Variants in DDC observed in about 807,000 individuals in gnomAD.
DDC encodes dopa decarboxylase, also known as aromatic-L-amino-acid decarboxylase.
Under a neutral mutation model 60.0 loss-of-function variants are expected in DDC, and 43 were observed. The ratio of observed to expected loss-of-function variants is 0.72; its 90% CI spans 0.56 to 0.92. DDC has a LOEUF of 0.92. Among genes scored for constraint, DDC ranks in the 40% least tolerant of loss-of-function variants. DDC has a pLI of 0.00. For missense variants in DDC, 573 were observed against 620.2 expected (o/e 0.92, Z 0.81); for synonymous variants, 232 against 234.6 (o/e 0.99, Z 0.10).
intron 1 of DDC, among the ~76,000 whole-genome samples, chr7:50,556,894 G>A (rs1033236649): frequency 6.6e-6 from 1 of 152,198 alleles, no homozygotes; most frequent in Non-Finnish European, 1.5e-5. Context: ...TGCATTCAGA[G>A]AAAACAGCTT....
At position 50,528,201 on chromosome 7, in the gene DDC, A is replaced by G. The variant is rs1239939277; in HGVS notation, c.650T>C (p.Met217Thr). 3 of 1,614,014 alleles carry G rather than the reference A, an allele frequency of 1.9e-6. No homozygotes were observed. The highest frequency in any genetic ancestry group is 1.7e-4 in the Middle Eastern group (1 of 6,002). ...KAIPSDGNFA[M>T]RASALQEALE... ...GGCTTCCTGCAGGGCAGACGCACGCATGGCGAAGTTGCCATCTGAGGGGAT... is the reference window on the plus strand; with the variant it reads ...GGCTTCCTGCAGGGCAGACGCACGCGTGGCGAAGTTGCCATCTGAGGGGAT... The change falls in exon 6 of 15, where the codon ATG becomes ACG. Residue 217 changes from methionine to threonine, a missense_variant. By Grantham distance (81) the Met-to-Thr change is moderately conservative. Coordinates refer to ENST00000444124, the MANE Select transcript of DDC (RefSeq NM_001082971.2).
At chr7:50,547,168 T>C (rs375328403) in intron 1 of DDC, among the ~76,000 whole-genome samples, 2 of 152,228 alleles carry the variant, frequency 1.3e-5, no homozygotes, top group South Asian at 4.1e-4. Flanking sequence ...TTTACTAATT[T>C]CTAAGTACAT....
intron 10 of DDC, among the ~76,000 whole-genome samples, chr7:50,478,026 AC>A (rs1451924433): frequency 1.1e-4 from 16 of 142,188 alleles, no homozygotes; most frequent in Non-Finnish European, 6.1e-5. Flanking sequence ...ACATGGTGAA[AC>A]CCCGTCTCTA....
intron 11 of DDC, among the ~76,000 whole-genome samples, chr7:50,470,855 C>T (rs779179745): frequency 1.2e-4 from 19 of 152,192 alleles, no homozygotes; most frequent in African/African-American, 2.2e-4. Context: ...AGGACTGGGA[C>T]GAGGAGACTG....
In DDC at chr7:50,555,670, A is replaced by G. The variant is rs1304893344; in HGVS notation, c.-29+9615T>C. ...ATAGTTAACATTGATATGAACTTAC[A>G]TGTGCCAAGAACCACGTTAAGCTCT... On this transcript the variant is annotated intron_variant, in intron 1 of 14. Transcript: ENST00000444124. Among the ~76,000 whole-genome samples the G allele has an allele frequency of 3.3e-5, 5 of 152,198 alleles. No homozygotes were observed. In the East Asian group the frequency reaches 9.6e-4, roughly 29 times the overall value.
At chr7:50,552,713 G>A (rs1419147055) in intron 1 of DDC, among the ~76,000 whole-genome samples, 1 of 152,226 alleles carries the variant, frequency 6.6e-6, no homozygotes, top group East Asian at 1.9e-4. Flanking sequence ...GGACAACAGA[G>A]AGCACTGTAG....
chr7:50,504,722 CGT>C (rs1197952276), intron 6 of DDC, among the ~76,000 whole-genome samples: 4 of 151,606 alleles, frequency 2.6e-5, no homozygotes, highest in African/African-American at 7.3e-5. Flanking sequence ...TGTGTGTGCA[CGT>C]GTGTGTGTGC....
At chr7:50,475,610 C>T (rs1350581462) in intron 11 of DDC, among the ~76,000 whole-genome samples, 1 of 152,164 alleles carries the variant, frequency 6.6e-6, no homozygotes. Context: ...TTGCTCCAAA[C>T]GCACTTAGAC....
chr7:50,515,676 C>T (rs1047317150), intron 6 of DDC, among the ~76,000 whole-genome samples: 4 of 152,182 alleles, frequency 2.6e-5, no homozygotes, highest in Non-Finnish European at 5.9e-5. Context: ...CATCTGCTGC[C>T]TTCAGGAGAT....
chr7:50,494,959 G>A (rs563066807), intron 9 of DDC, among the ~76,000 whole-genome samples: 85 of 152,204 alleles, frequency 5.6e-4, no homozygotes, highest in Non-Finnish European at 9.1e-4. Flanking sequence ...CACTGTGCCC[G>A]GCCTTAGCAA....
intron 14 of DDC, among the ~76,000 whole-genome samples, chr7:50,462,945 T>C (rs1245192319): frequency 6.6e-6 from 1 of 152,166 alleles, no homozygotes; most frequent in East Asian, 1.9e-4. Context: ...AATTTTTGTA[T>C]TTTTAGTAGA....
intron 9 of DDC, among the ~76,000 whole-genome samples, chr7:50,483,605 G>C (rs114037990): frequency 0.013 from 2,009 of 152,158 alleles, 49 homozygotes; most frequent in African/African-American, 0.046. Flanking sequence ...CATTATTTAA[G>C]AATTTGGGTA....
At chr7:50,538,088 C>T (rs1002762972) in intron 3 of DDC, 109 bp from the exon 4 acceptor site, 16 of 1,359,924 alleles carry the variant, frequency 1.2e-5, no homozygotes, top group Admixed American at 5.5e-5. Context: ...ATTAAAATCA[C>T]CCAATCTCAG....
At chr7:50,529,112 G>T (rs1456150047) in intron 5 of DDC, 96 bp downstream of exon 5, 2 of 1,528,510 alleles carry the variant, frequency 1.3e-6, no homozygotes, top group African/African-American at 2.7e-5. Flanking sequence ...ACTGTTCTTA[G>T]ATTTGGAAGG....
intron 6 of DDC, among the ~76,000 whole-genome samples, chr7:50,504,580 T>C (rs1410211283): frequency 6.6e-6 from 1 of 151,240 alleles, no homozygotes; most frequent in Non-Finnish European, 1.5e-5. Context: ...TACACAAGTG[T>C]ATATATTTTA....
At chr7:50,555,632 A>G (rs953419069) in intron 1 of DDC, among the ~76,000 whole-genome samples, 7 of 152,206 alleles carry the variant, frequency 4.6e-5, no homozygotes, top group Non-Finnish European at 7.3e-5. Flanking sequence ...GCACTCTCTC[A>G]TTGGTCTAAA....
intron 6 of DDC, among the ~76,000 whole-genome samples, chr7:50,512,435 A>G (rs1468742639): frequency 6.6e-6 from 1 of 152,216 alleles, no homozygotes; most frequent in African/African-American, 2.4e-5. Flanking sequence ...TCTGGGGTCT[A>G]TTGAAGGCTT....
At chr7:50,464,169 G>A (rs1475497813) in intron 13 of DDC, among the ~76,000 whole-genome samples, 2 of 152,034 alleles carry the variant, frequency 1.3e-5, no homozygotes, top group Non-Finnish European at 2.9e-5. Context: ...AACTGAATGT[G>A]GGACACTGCA....
At chr7:50,464,725 C>A (rs757037943) in intron 13 of DDC, among the ~76,000 whole-genome samples, 12 of 152,170 alleles carry the variant, frequency 7.9e-5, no homozygotes, top group Admixed American at 1.3e-4. Flanking sequence ...GGAGACCAAG[C>A]AAGTTCTGGC....
Sources: allele counts gnomAD v4.1 joint callset (sites outside exome capture counted in the v4.1 genomes callset), GRCh38; gene constraint gnomAD v4.1.1; transcripts MANE v1.5; gene names NCBI Gene and HGNC (gene_info 2026-07-23, HGNC 2026-07-21).